MED25: variants seen among roughly 807,000 people sequenced by gnomAD.
MED25 encodes the protein mediator complex subunit 25, also known as mediator of RNA polymerase II transcription subunit 25.
In MED25, 62 loss-of-function variants were observed where a neutral mutation model predicts 89.4. The ratio of observed to expected loss-of-function variants is 0.69; its 90% CI spans 0.57 to 0.86. MED25 has a LOEUF of 0.86. Among genes scored for constraint, MED25 ranks in the 40% least tolerant of loss-of-function variants. The pLI is 0.00. For synonymous variants in MED25, 449 were observed against 427.9 expected, an observed-to-expected ratio of 1.05 and a Z score of -0.61; for missense variants, 905 against 1,005.2, an observed-to-expected ratio of 0.90 and a Z score of 1.35.
chr19:49,834,896 TG>T lies in MED25; in HGVS notation c.1483-86del, dbSNP rs2074084269. On this transcript the variant is annotated intron_variant, in intron 13 of 17. Transcript: ENST00000312865. This position sits in a 1 kb window ranked among gnomAD's most constrained non-coding sequence, Gnocchi z 4.1. Reference sequence around the variant, plus strand: ...CAGAAACCTCACCTCACCTTGCCTGTGGGGCCTCTAGAGCCTTCTGGAATGG... The same window carrying T: ...CAGAAACCTCACCTCACCTTGCCTGTGGGCCTCTAGAGCCTTCTGGAATGG... 1.5e-6 allele frequency: 2 copies of T among 1,345,422 alleles called. No individual in the cohort carries two copies. The highest frequency in any genetic ancestry group is 2.1e-6 in the Non-Finnish European group (2 of 942,114). The allele number at this position is 1,345,422 out of a possible 1,614,324, so 83.3% of individuals were successfully genotyped here. A position where few individuals can be genotyped will look rare whatever the true frequency, so the allele number is the denominator to read the frequency against.
intron 3 of MED25, among the ~76,000 whole-genome samples, chr19:49,823,132 C>A (rs1375836914): frequency 6.6e-6 from 1 of 152,030 alleles, no homozygotes; most frequent in East Asian, 1.9e-4. Context: ...TATTTTAATT[C>A]TTGTAGAGAT....
At position 49,832,029 on chromosome 19, in the gene MED25, ACAGT is replaced by A. The variant is rs2074061215; in HGVS notation, c.1316+12_1316+15del. Reference sequence around the variant, plus strand: ...GAATCATGGCGAGAACCTGTAGGTGACAGTCAGGGGCGGGGTGTGGTGGGGCTGG... The same window carrying A: ...GAATCATGGCGAGAACCTGTAGGTGACAGGGGCGGGGTGTGGTGGGGCTGG... On this transcript the variant is annotated intron_variant, in intron 11 of 17. Transcript: ENST00000312865. 6 of 1,613,874 alleles carry A rather than the reference ACAGT, an allele frequency of 3.7e-6. No homozygotes were observed. The East Asian group carries it at 8.9e-5, about 24-fold the overall frequency.
chr19:49,834,995 G>A lies in MED25; in HGVS notation c.1492G>A (p.Val498Met), dbSNP rs1322308917. Residue 498 changes from valine to methionine, a missense_variant, in exon 14 of 18, where the codon GTG becomes ATG. Val to Met is a conservative substitution (Grantham distance 21, BLOSUM62 1). Around this residue, in one of 3 missense-constraint regions of MED25, gnomAD observed 133 missense variants for 220.2 expected, o/e 0.60. Coordinates refer to ENST00000312865, the MANE Select transcript of MED25 (RefSeq NM_030973.4). This position sits in a 1 kb window ranked among gnomAD's most constrained non-coding sequence, Gnocchi z 4.1. ...RIMGNGFAGC[V>M]HFPHTAPCEV... is the part of the protein sequence containing the mutation. ...GCTGTTGTCCACCCAGGCGGGCTGC[G>A]TGCACTTCCCCCACACGGCGCCCTG... is the stretch of plus-strand genomic sequence containing the variant. 6.2e-7 allele frequency: 1 copy of A among 1,613,898 alleles called. No homozygotes were observed. The highest frequency in any genetic ancestry group is 8.5e-7 in the Non-Finnish European group (1 of 1,180,022).
rs1160774467 is a variant in MED25 at position 49,836,633 on chromosome 19, G to A, written c.2147-214G>A. 2.7e-6 allele frequency: 2 copies of A among 741,334 alleles called. No homozygotes were observed. Among genetic ancestry groups the A allele is most frequent in the African/African-American group, 3.5e-5 (2 of 57,920 alleles). The allele number at this position is 741,334 out of a possible 1,614,324, so 45.9% of individuals were successfully genotyped here. A position where few individuals can be genotyped will look rare whatever the true frequency, so the allele number is the denominator to read the frequency against. ...CCATGATCCTCCTGTGTGTGCTCCTGGGATTGCTGGGAAATGTGGTCTTAG... is the reference window on the plus strand; with the variant it reads ...CCATGATCCTCCTGTGTGTGCTCCTAGGATTGCTGGGAAATGTGGTCTTAG... On this transcript the variant is annotated intron_variant, in intron 17 of 17. Transcript: ENST00000312865. The surrounding 1 kb of genome is among the most constrained non-coding windows in gnomAD (Gnocchi z 5.1).
chr19:49,837,178 C>T (rs2074105527), downstream of MED25, among the ~76,000 whole-genome samples: 1 of 152,208 alleles, frequency 6.6e-6, no homozygotes, highest in African/African-American at 2.4e-5. Flanking sequence ...GCGCTCAGGA[C>T]TCAAGCTCTC....
intron 3 of MED25, among the ~76,000 whole-genome samples, chr19:49,827,147 T>G (rs2074021104): frequency 6.6e-6 from 1 of 151,954 alleles, no homozygotes; most frequent in Non-Finnish European, 1.5e-5. Flanking sequence ...GGGTGCTCGG[T>G]CTCCACACAC....
Position 49,829,070 on chromosome 19 carries a change from C to CT in MED25, c.507dup (p.Val170CysfsTer27), listed in dbSNP as rs761668148. ...GTACTCTGGATGCACAACTGAGAAT[C>CT]TTGTGCAGCAGATTGGGGAGGTGAG... is the stretch of plus-strand genomic sequence containing the variant. On this transcript the variant is annotated frameshift_variant, in exon 5 of 18. Coordinates refer to ENST00000312865, the MANE Select transcript of MED25 (RefSeq NM_030973.4). LOFTEE classifies it high-confidence loss of function. This position sits in a 1 kb window ranked among gnomAD's most constrained non-coding sequence, Gnocchi z 4.6. The CT allele has an allele frequency of 1.9e-6, 3 of 1,613,852 alleles. No homozygotes were observed. The highest frequency in any genetic ancestry group is 2.5e-6 in the Non-Finnish European group (3 of 1,179,896).
intron 3 of MED25, 109 bp from the exon 4 acceptor site, chr19:49,828,340 G>C: frequency 1.3e-6 from 1 of 784,878 alleles, no homozygotes; most frequent in Non-Finnish European, 2.3e-6. Flanking sequence ...TCATCCCAAG[G>C]TGCATAGCCC....
chr19:49,830,456 G>T lies in MED25; in HGVS notation c.820-55G>T. On this transcript the variant is annotated intron_variant, in intron 7 of 17. Coordinates refer to ENST00000312865, the MANE Select transcript of MED25 (RefSeq NM_030973.4). The surrounding 1 kb of genome is among the most constrained non-coding windows in gnomAD (Gnocchi z 4.6). ...GTGGTGTGACCTCGTGGGATACCAG[G>T]ACTGGGGGGCCATGGTCCTCACCAG... The T allele has an allele frequency of 6.4e-7, 1 of 1,572,866 alleles. No homozygotes were observed.
At position 49,829,773 on chromosome 19, in the gene MED25, C is replaced by T. The variant is rs749446278; in HGVS notation, c.526-13C>T. On this transcript the variant is annotated splice_polypyrimidine_tract_variant and intron_variant, in intron 5 of 17. Transcript: ENST00000312865. This position sits in a 1 kb window ranked among gnomAD's most constrained non-coding sequence, Gnocchi z 4.6. The stretch of plus-strand genomic sequence containing the variant: ...AGGGGGCCCGTCATGACTGCTCGGC[C>T]CCTCTCCTACAGCGGGGGATCCACT... The T allele has an allele frequency of 1.4e-5, 22 of 1,578,466 alleles. No homozygotes were observed. In the African/African-American group the frequency reaches 1.5e-4, roughly 11 times the overall value.
downstream of MED25, among the ~76,000 whole-genome samples, chr19:49,837,917 T>G (rs1344659821): frequency 6.6e-6 from 1 of 151,972 alleles, no homozygotes; most frequent in African/African-American, 2.4e-5. Flanking sequence ...GTCCCCAGGA[T>G]AGAATACCCA....
rs1171524671 is a variant in MED25, at chr19:49,835,976, C to T, written c.1965+31C>T. ...ATGTTGGGGTGGGGTAGCGAGAGTTCCAGATCCTGGCCCTGGTGGTTCTGG... is the reference window on the plus strand; with the variant it reads ...ATGTTGGGGTGGGGTAGCGAGAGTTTCAGATCCTGGCCCTGGTGGTTCTGG... On this transcript the variant is annotated intron_variant, in intron 16 of 17. Transcript: ENST00000312865. The surrounding 1 kb of genome is among the most constrained non-coding windows in gnomAD (Gnocchi z 6.2). The T allele has an allele frequency of 1.1e-5, 18 of 1,610,912 alleles. No individual in the cohort carries two copies. The highest frequency in any genetic ancestry group is 1.5e-5 in the Non-Finnish European group (18 of 1,179,392).
chr19:49,833,917 G>C (rs1356735982), intron 13 of MED25: 1 of 152,432 alleles, frequency 6.6e-6, no homozygotes, highest in African/African-American at 2.4e-5. Flanking sequence ...ATTTTGCACA[G>C]GACAGGACAT....
chr19:49,834,167 C>T lies in MED25; in HGVS notation c.1483-819C>T, dbSNP rs1356986912. On this transcript the variant is annotated intron_variant, in intron 13 of 17. Transcript: ENST00000312865. The surrounding 1 kb of genome is among the most constrained non-coding windows in gnomAD (Gnocchi z 4.1). ...CACCTCCTATCCCGGACCTAGGCCA[C>T]TGGGCAGCCCCTAGTTGATGGGAGG... The T allele has an allele frequency of 6.6e-6, 1 of 152,238 alleles. No individual in the cohort carries two copies. Among genetic ancestry groups the T allele is most frequent in the Non-Finnish European group, 1.5e-5 (1 of 68,074 alleles). The allele number at this position is 152,238 out of a possible 1,614,324, so 9.4% of individuals were successfully genotyped here.
In MED25 at chr19:49,829,878, G is replaced by A. The variant is rs772693264; in HGVS notation, c.618G>A (p.Pro206=). 1.3e-5 allele frequency: 21 copies of A among 1,612,834 alleles called. No individual in the cohort carries two copies. Among genetic ancestry groups the A allele is most frequent in the South Asian group, 3.3e-5 (3 of 91,048 alleles). The change falls in exon 6 of 18, where the codon CCG becomes CCA. Residue 206 remains proline, a synonymous_variant. Coordinates refer to ENST00000312865, the MANE Select transcript of MED25 (RefSeq NM_030973.4). This position sits in a 1 kb window ranked among gnomAD's most constrained non-coding sequence, Gnocchi z 4.6. ...CAGCCCCCCCGGCCTTGCTGGAGCCGCTGCAGCCTCCGACAGATGTGAGCC... is the reference window on the plus strand; with the variant it reads ...CAGCCCCCCCGGCCTTGCTGGAGCCACTGCAGCCTCCGACAGATGTGAGCC... ...EKAAPPALLE[P]LQPPTDVSQD...
At position 49,818,587 on chromosome 19, in the gene MED25, C is replaced by G; in HGVS notation, c.151C>G (p.Pro51Ala). The G allele has an allele frequency of 1.9e-6, 3 of 1,614,144 alleles. No individual in the cohort carries two copies. Among genetic ancestry groups the G allele is most frequent in the Non-Finnish European group, 2.5e-6 (3 of 1,180,040 alleles). ...LPAIEYFNGG[P>A]PAETDFGGDY... ...CCCTCACAGGTATTTTAATGGTGGTCCTCCTGCTGAGACGGACTTCGGGGG... is the reference window on the plus strand; with the variant it reads ...CCCTCACAGGTATTTTAATGGTGGTGCTCCTGCTGAGACGGACTTCGGGGG... Residue 51 changes from proline (P) to alanine (A), a missense_variant, in exon 2 of 18, where the codon CCT becomes GCT. Coordinates refer to ENST00000312865, the MANE Select transcript of MED25 (RefSeq NM_030973.4).
At chr19:49,820,799 T>G (rs2073976466) in intron 3 of MED25, among the ~76,000 whole-genome samples, 1 of 152,222 alleles carries the variant, frequency 6.6e-6, no homozygotes, top group African/African-American at 2.4e-5. Context: ...TTTTGATAGT[T>G]GACATTGTAG....
At chr19:49,838,859 G>A (rs1022942270), downstream of MED25, 34 of 422,752 alleles carry the variant, frequency 8.0e-5, no homozygotes, top group South Asian at 4.8e-4. Flanking sequence ...CAGAAGTGGC[G>A]CGGCAGTGGT....
chr19:49,837,085 G>A, downstream of MED25: 1 of 764,994 alleles, frequency 1.3e-6, no homozygotes. Flanking sequence ...GGGGCCCTGG[G>A]TGAATGACGC....
Sources: gnomAD v4.1 joint callset for allele counts (sites outside exome capture counted in the v4.1 genomes callset) on GRCh38, gnomAD v4.1.1 for gene constraint, gnomAD v4.1.1 regional missense constraint, Gnocchi (gnomAD v3.1) non-coding constraint, MANE v1.5 for transcripts, NCBI Gene and HGNC (gene_info 2026-07-23, HGNC 2026-07-21) for gene names.